Variants in SLC39A11 observed in about 807,000 individuals in gnomAD.
SLC39A11 encodes zinc transporter ZIP11.
Under a neutral mutation model 36.1 loss-of-function variants are expected in SLC39A11, and 33 were observed. That is an observed-to-expected ratio of 0.91 (90% CI 0.69 to 1.22). SLC39A11 has a LOEUF of 1.22. Ranked by LOEUF, SLC39A11 falls within the 50% of genes most tolerant of loss-of-function variation. The probability of loss-of-function intolerance (pLI) is 0.00; values close to 1 mark genes in which losing one functional copy is unlikely to be tolerated. For synonymous variants in SLC39A11, 166 were observed against 170.3 expected (o/e 0.97, Z 0.20); for missense variants, 432 against 430.3 (o/e 1.00, Z -0.03).
At chr17:72,700,101 C>A (rs1397942799) in intron 7 of SLC39A11, among the ~76,000 whole-genome samples, 6 of 152,058 alleles carry the variant, frequency 3.9e-5, no homozygotes, top group Admixed American at 3.9e-4. Context: ...AGTCAGCCTG[C>A]CATCGTGCGC....
chr17:73,003,050 T>A (rs1162638975), intron 4 of SLC39A11, among the ~76,000 whole-genome samples: 2 of 152,200 alleles, frequency 1.3e-5, no homozygotes, highest in African/African-American at 4.8e-5. Context: ...TCATATAAGG[T>A]AACATCCACA....
intron 5 of SLC39A11, among the ~76,000 whole-genome samples, chr17:72,877,732 C>T (rs186906496): frequency 2.6e-5 from 4 of 152,256 alleles, no homozygotes; most frequent in Admixed American, 2.6e-4. Context: ...AGACCGGGGA[C>T]AGCGTGCTTT....
chr17:73,029,341 G>T lies in SLC39A11; in HGVS notation c.306+2215C>A, dbSNP rs1488180120. On this transcript the variant is annotated intron_variant, in intron 4 of 9. Transcript: ENST00000255559. ...GGTGCAGGAGAGAAGAGTAGAATGG[G>T]ATCCAGCAGGAGCCATGCAGAGCCA... 3.9e-5 allele frequency among the ~76,000 whole-genome samples: 6 copies of T among 152,048 alleles called. No individual in the cohort carries two copies. In the East Asian group the frequency reaches 1.2e-3, roughly 29 times the overall value.
In SLC39A11 at chr17:72,871,537, A is replaced by G. The variant is rs2146383152; in HGVS notation, c.431-21733T>C. ...GGAGGAGGAGAGGGCCTACAGGTTG[A>G]GTTGATCACCATTGGCCAATGATTT... On this transcript the variant is annotated intron_variant, in intron 5 of 9. Coordinates refer to ENST00000255559, the MANE Select transcript of SLC39A11 (RefSeq NM_139177.4). 2.0e-5 allele frequency among the ~76,000 whole-genome samples: 3 copies of G among 152,194 alleles called. 1 individual carries two copies. Among genetic ancestry groups the G allele is most frequent in the Admixed American group, 2.0e-4 (3 of 15,292 alleles).
chr17:72,801,229 T>G (rs2077074545), intron 6 of SLC39A11, among the ~76,000 whole-genome samples: 1 of 152,222 alleles, frequency 6.6e-6, no homozygotes, highest in South Asian at 2.1e-4. Flanking sequence ...TTTTTCCTTT[T>G]CTTTTGTTTG....
intron 5 of SLC39A11, among the ~76,000 whole-genome samples, chr17:72,906,028 C>G (rs1026925098): frequency 6.6e-6 from 1 of 152,316 alleles, no homozygotes; most frequent in South Asian, 2.1e-4. Context: ...GCTGGGATTA[C>G]AGGCGTGAGC....
chr17:72,784,458 A>G (rs1222248629), intron 6 of SLC39A11, among the ~76,000 whole-genome samples: 2 of 152,230 alleles, frequency 1.3e-5, no homozygotes, highest in African/African-American at 4.8e-5. Flanking sequence ...GTAGTGCAGC[A>G]TTACTGCAGA....
At chr17:72,763,943 C>T (rs1310437849) in intron 6 of SLC39A11, among the ~76,000 whole-genome samples, 1 of 152,116 alleles carries the variant, frequency 6.6e-6, no homozygotes, top group African/African-American at 2.4e-5. Context: ...TTTTCAGCAC[C>T]TACCTCCCAG....
chr17:72,723,192 T>G (rs1567986764), intron 7 of SLC39A11, among the ~76,000 whole-genome samples: 1 of 152,176 alleles, frequency 6.6e-6, no homozygotes, highest in Non-Finnish European at 1.5e-5. Context: ...TCAGTCAGGT[T>G]GTCAGGTGCT....
intron 7 of SLC39A11, among the ~76,000 whole-genome samples, chr17:72,711,033 C>T (rs942146336): frequency 6.6e-6 from 1 of 152,212 alleles, no homozygotes; most frequent in Admixed American, 6.5e-5. Flanking sequence ...AATTGCACAA[C>T]CTTCATACAG....
chr17:72,678,921 A>G (rs923575995), intron 7 of SLC39A11, among the ~76,000 whole-genome samples: 1 of 152,216 alleles, frequency 6.6e-6, no homozygotes, highest in African/African-American at 2.4e-5. Flanking sequence ...ACATTTACAC[A>G]ATGGAATACT....
chr17:72,982,553 T>C (rs995117659), intron 4 of SLC39A11, among the ~76,000 whole-genome samples: 2 of 152,214 alleles, frequency 1.3e-5, no homozygotes, highest in African/African-American at 4.8e-5. Flanking sequence ...TTCTGTTTCG[T>C]CTATTTTGCA....
chr17:73,074,383 C>T (rs1016783303), intron 3 of SLC39A11, among the ~76,000 whole-genome samples: 14 of 149,586 alleles, frequency 9.4e-5, no homozygotes, highest in African/African-American at 2.7e-4. Context: ...CTGCAACTTC[C>T]GCCTCCTGGG....
chr17:72,770,655 C>A (rs1404377364), intron 6 of SLC39A11, among the ~76,000 whole-genome samples: 2 of 152,212 alleles, frequency 1.3e-5, no homozygotes, highest in Non-Finnish European at 2.9e-5. Flanking sequence ...CTAATCCCTT[C>A]TTGGAATCTG....
At chr17:72,841,208 T>C (rs575678798) in intron 6 of SLC39A11, among the ~76,000 whole-genome samples, 4 of 152,332 alleles carry the variant, frequency 2.6e-5, no homozygotes, top group South Asian at 4.1e-4. Context: ...TGTTATAACA[T>C]TGGGCCCCCC....
At position 72,681,003 on chromosome 17, in the gene SLC39A11, A is replaced by G. The variant is rs571633047; in HGVS notation, c.672-31735T>C. ...GTTGCCCAGGCTGGATTGCAGTAGC[A>G]CAATCTTGGCTCATTGTTAACCTTC... On this transcript the variant is annotated intron_variant, in intron 7 of 9. Transcript: ENST00000255559. Among the ~76,000 whole-genome samples, 18 of 152,198 alleles carry G rather than the reference A, an allele frequency of 1.2e-4. No individual in the cohort carries two copies. In the East Asian group the frequency reaches 3.5e-3, roughly 29 times the overall value.
intron 6 of SLC39A11, among the ~76,000 whole-genome samples, chr17:72,769,448 C>T (rs189712146): frequency 1.7e-3 from 261 of 152,256 alleles, no homozygotes; most frequent in African/African-American, 4.9e-3. Context: ...GCCCCCAAAT[C>T]GTTAAGGAAA....
chr17:72,711,725 T>A (rs1046156758), intron 7 of SLC39A11, among the ~76,000 whole-genome samples: 1 of 151,960 alleles, frequency 6.6e-6, no homozygotes. Context: ...AAGCTGGAGA[T>A]TCCCATCAGG....
intron 5 of SLC39A11, among the ~76,000 whole-genome samples, chr17:72,863,653 CAG>C (rs2080154824): frequency 6.6e-6 from 1 of 152,216 alleles, no homozygotes; most frequent in South Asian, 2.1e-4. Context: ...CACTGCAGAC[CAG>C]AGTCTGCAGA....
Sources: allele counts gnomAD v4.1 joint callset (sites outside exome capture counted in the v4.1 genomes callset), GRCh38; gene constraint gnomAD v4.1.1; transcripts MANE v1.5; gene names NCBI Gene and HGNC (gene_info 2026-07-23, HGNC 2026-07-21).